Variants in CTNNA2 observed in about 807,000 individuals in gnomAD.
CTNNA2 encodes catenin alpha-2.
CTNNA2 carries 42 observed loss-of-function variants against 101.0 expected under a neutral mutation model. That is an observed-to-expected ratio of 0.42 (90% CI 0.32 to 0.54). The LOEUF is 0.54. CTNNA2 is among the 20% of genes least tolerant of loss of function. The probability of loss-of-function intolerance (pLI) is 0.14; values close to 1 mark genes in which losing one functional copy is unlikely to be tolerated. For missense variants in CTNNA2, 871 were observed against 1,223.1 expected, an observed-to-expected ratio of 0.71 and a Z score of 4.29; for synonymous variants, 450 against 456.4, an observed-to-expected ratio of 0.99 and a Z score of 0.18.
intron 4 of CTNNA2, 29 bp downstream of exon 4, chr2:79,858,208 C>A (rs1236279641): frequency 1.3e-6 from 2 of 1,574,508 alleles, no homozygotes; most frequent in Non-Finnish European, 1.7e-6. Context: ...TCAAAACTTT[C>A]TTTATGTGAG....
chr2:80,212,278 G>C (rs1039892802), intron 7 of CTNNA2, among the ~76,000 whole-genome samples: 1 of 152,152 alleles, frequency 6.6e-6, no homozygotes, highest in Non-Finnish European at 1.5e-5. Flanking sequence ...GTGAGAGAGG[G>C]CATCCTTGTC....
intron 1 of CTNNA2, among the ~76,000 whole-genome samples, chr2:79,649,011 T>C (rs1314551429): frequency 6.6e-6 from 1 of 152,152 alleles, no homozygotes; most frequent in Non-Finnish European, 1.5e-5. Flanking sequence ...GTCTGGGAAC[T>C]ATTGTTCTTT....
chr2:80,589,514 T>G, intron 15 of CTNNA2, 29 bp downstream of exon 15: 1 of 1,603,190 alleles, frequency 6.2e-7, no homozygotes, highest in South Asian at 1.1e-5. Flanking sequence ...GAGCTGAAGA[T>G]TTTTTCATTA....
At position 80,541,518 on chromosome 2, in the gene CTNNA2, A is replaced by T. The variant is rs548188107; in HGVS notation, c.1291-3464A>T. The stretch of plus-strand genomic sequence containing the variant: ...AGTTTAATTTAAACAAAAGATGAGA[A>T]AACAGTTCAAAAGATACACAAAGAA... On this transcript the variant is annotated intron_variant, in intron 9 of 18. Transcript: ENST00000402739. Among the ~76,000 whole-genome samples the T allele has an allele frequency of 4.6e-5, 7 of 152,268 alleles. 1 individual carries two copies. The South Asian group carries it at 1.5e-3, about 32-fold the overall frequency.
intron 2 of CTNNA2, among the ~76,000 whole-genome samples, chr2:79,267,378 A>T (rs2104294214): frequency 6.6e-6 from 1 of 152,190 alleles, no homozygotes; most frequent in East Asian, 1.9e-4. Context: ...GTACCTTTGC[A>T]CCATATTCTC....
At chr2:80,520,323 A>C (rs1006048820) in intron 9 of CTNNA2, among the ~76,000 whole-genome samples, 1 of 151,966 alleles carries the variant, frequency 6.6e-6, no homozygotes, top group African/African-American at 2.4e-5. Context: ...TATCAAAAGG[A>C]AATAGGCCTT....
chr2:79,876,158 T>G (rs2104077571), intron 6 of CTNNA2, among the ~76,000 whole-genome samples: 1 of 152,230 alleles, frequency 6.6e-6, no homozygotes, highest in Admixed American at 6.5e-5. Flanking sequence ...TGAAGCAATC[T>G]CAATACAAAT....
At chr2:79,338,122 C>T (rs1265585458) in intron 3 of CTNNA2, among the ~76,000 whole-genome samples, 1 of 151,388 alleles carries the variant, frequency 6.6e-6, no homozygotes, top group Non-Finnish European at 1.5e-5. Context: ...GTGGCACACG[C>T]CTATAATCCA....
intron 7 of CTNNA2, among the ~76,000 whole-genome samples, chr2:80,241,318 C>T (rs1248703038): frequency 1.3e-5 from 2 of 151,322 alleles, no homozygotes; most frequent in African/African-American, 4.9e-5. Context: ...AAAACTTCAT[C>T]AAACAATTTT....
chr2:79,468,003 G>A (rs1466498869), intron 4 of CTNNA2, among the ~76,000 whole-genome samples: 1 of 152,090 alleles, frequency 6.6e-6, no homozygotes, highest in Non-Finnish European at 1.5e-5. Context: ...ACATCATAAT[G>A]ACAGGATCAA....
At chr2:79,980,364 G>A (rs1691174164) in intron 7 of CTNNA2, among the ~76,000 whole-genome samples, 1 of 152,038 alleles carries the variant, frequency 6.6e-6, no homozygotes, top group African/African-American at 2.4e-5. Context: ...TTCTTTTGAA[G>A]GCTCAGAAAA....
intron 1 of CTNNA2, among the ~76,000 whole-genome samples, chr2:79,641,182 G>A (rs1392636002): frequency 3.3e-5 from 5 of 152,156 alleles, no homozygotes; most frequent in Non-Finnish European, 7.4e-5. Flanking sequence ...AGAGAATTAA[G>A]CAGTTGTTTT....
chr2:79,959,075 G>A (rs1689448624), intron 7 of CTNNA2, among the ~76,000 whole-genome samples: 1 of 151,092 alleles, frequency 6.6e-6, no homozygotes, highest in Non-Finnish European at 1.5e-5. Flanking sequence ...TTCTTTTCTG[G>A]AGGCAGGGTC....
intron 2 of CTNNA2, among the ~76,000 whole-genome samples, chr2:79,733,485 T>C (rs1687327416): frequency 6.6e-6 from 1 of 152,006 alleles, no homozygotes. Flanking sequence ...ATTCTGTGCA[T>C]AGGTGTGTGT....
chr2:79,941,078 T>A (rs1359256885), intron 7 of CTNNA2, among the ~76,000 whole-genome samples: 1 of 152,204 alleles, frequency 6.6e-6, no homozygotes, highest in African/African-American at 2.4e-5. Context: ...TAATCAGCTT[T>A]GTGGCTGCCA....
At chr2:79,187,591 A>G (rs193202417) in intron 1 of CTNNA2, among the ~76,000 whole-genome samples, 2 of 152,324 alleles carry the variant, frequency 1.3e-5, no homozygotes, top group East Asian at 3.9e-4. Context: ...CTTTTGAGTC[A>G]TATGTATTGG....
chr2:79,420,064 T>C (rs1036645370), intron 4 of CTNNA2, among the ~76,000 whole-genome samples: 2 of 152,132 alleles, frequency 1.3e-5, no homozygotes, highest in African/African-American at 4.8e-5. Context: ...CCTCTTGGCA[T>C]TGGCCTCCCA....
intron 7 of CTNNA2, among the ~76,000 whole-genome samples, chr2:80,321,567 G>T (rs1001041250): frequency 3.3e-5 from 5 of 152,172 alleles, no homozygotes; most frequent in Non-Finnish European, 7.4e-5. Flanking sequence ...TTCATAAAAT[G>T]TATGCAAATG....
intron 7 of CTNNA2, among the ~76,000 whole-genome samples, chr2:79,980,672 TA>T: frequency 6.6e-6 from 1 of 152,306 alleles, no homozygotes; most frequent in Admixed American, 6.5e-5. Context: ...AGCAAAGGGC[TA>T]TAGTGTGAAT....
Sources: allele counts gnomAD v4.1 joint callset (sites outside exome capture counted in the v4.1 genomes callset), GRCh38; gene constraint gnomAD v4.1.1; transcripts MANE v1.5; gene names NCBI Gene and HGNC (gene_info 2026-07-23, HGNC 2026-07-21).